The following EHMT1 variants were observed in gnomAD, a reference collection of about 807,000 sequenced individuals.
EHMT1 encodes euchromatic histone lysine methyltransferase 1, also known as histone-lysine N-methyltransferase EHMT1.
In EHMT1, 15 loss-of-function variants were observed where a neutral mutation model predicts 147.2. That is an observed-to-expected ratio of 0.10 (90% CI 0.07 to 0.16). The LOEUF (loss-of-function observed/expected upper bound fraction) is 0.16. Ranked by LOEUF, EHMT1 falls within the 10% of genes least tolerant of loss-of-function variation. The pLI is 1.00. For synonymous variants in EHMT1, 795 were observed against 709.6 expected (o/e 1.12, Z -1.91); for missense variants, 1,587 against 1,772.4 (o/e 0.90, Z 1.88).
intron 6 of EHMT1, among the ~76,000 whole-genome samples, chr9:137,749,181 C>G (rs1948783041): frequency 6.6e-6 from 1 of 152,126 alleles, no homozygotes; most frequent in African/African-American, 2.4e-5. Context: ...ATGTGGGAAG[C>G]TCCTGGCCTG....
At chr9:137,796,234 C>T (rs113233878) in intron 16 of EHMT1, among the ~76,000 whole-genome samples, 3 of 152,062 alleles carry the variant, frequency 2.0e-5, no homozygotes, top group Non-Finnish European at 2.9e-5. Flanking sequence ...GATTCCAGCA[C>T]GGGGAAGCGT....
In EHMT1 at chr9:137,782,903, G is replaced by A. The variant is rs75989317; in HGVS notation, c.2382+506G>A. Among the ~76,000 whole-genome samples, 530 of 152,160 alleles carry A rather than the reference G, an allele frequency of 3.5e-3. 5 individuals are homozygous for A. The highest frequency in any genetic ancestry group is 0.012 in the African/African-American group (517 of 41,498). ...ATTCTGAACCATCTGAACGCTGCCCGCTTGTCTCTGGGTTCAGACACACGA... is the reference window on the plus strand; with the variant it reads ...ATTCTGAACCATCTGAACGCTGCCCACTTGTCTCTGGGTTCAGACACACGA... On this transcript the variant is annotated intron_variant, in intron 15 of 26. Transcript: ENST00000460843. The surrounding 1 kb of genome is among the most constrained non-coding windows in gnomAD (Gnocchi z 5.7).
chr9:137,681,651 G>A (rs894137526), intron 1 of EHMT1, among the ~76,000 whole-genome samples: 8 of 152,004 alleles, frequency 5.3e-5, no homozygotes, highest in South Asian at 2.1e-4. Context: ...AGCCTCCCAC[G>A]CCCGTCCACT....
At chr9:137,744,437 G>A (rs1451888128) in intron 6 of EHMT1, among the ~76,000 whole-genome samples, 2 of 151,828 alleles carry the variant, frequency 1.3e-5, no homozygotes, top group African/African-American at 4.8e-5. Context: ...TCCCATCCCA[G>A]CCCCCCGAGC....
chr9:137,649,141 C>G lies in EHMT1; in HGVS notation c.21+30092C>G, dbSNP rs754834745. Among the ~76,000 whole-genome samples, 50 of 152,106 alleles carry G rather than the reference C, an allele frequency of 3.3e-4. 1 individual carries two copies. Among genetic ancestry groups the G allele is most frequent in the Non-Finnish European group, 7.3e-5 (5 of 68,030 alleles). On this transcript the variant is annotated intron_variant, in intron 1 of 26. Coordinates refer to ENST00000460843, the MANE Select transcript of EHMT1 (RefSeq NM_024757.5). ...CTCCCAAATTCAGATCCACCCGTGACTTCAGAAATAGTGTTCTCCCGGCTG... is the reference window on the plus strand; with the variant it reads ...CTCCCAAATTCAGATCCACCCGTGAGTTCAGAAATAGTGTTCTCCCGGCTG...
intron 1 of EHMT1, among the ~76,000 whole-genome samples, chr9:137,694,889 G>A (rs1225027270): frequency 6.6e-6 from 1 of 152,226 alleles, no homozygotes; most frequent in African/African-American, 2.4e-5. Context: ...GGTCTTGAAG[G>A]AGATGGTAGA....
At chr9:137,724,621 A>G (rs534899809) in intron 3 of EHMT1, among the ~76,000 whole-genome samples, 1 of 152,342 alleles carries the variant, frequency 6.6e-6, no homozygotes, top group South Asian at 2.1e-4. Context: ...TACCTTCATC[A>G]ATATGTACTT....
intron 1 of EHMT1, among the ~76,000 whole-genome samples, chr9:137,660,197 T>C (rs542161179): frequency 4.7e-4 from 71 of 151,898 alleles, no homozygotes; most frequent in African/African-American, 1.7e-3. Context: ...TAGCTGGGCA[T>C]AGTGGCACGT....
At chr9:137,691,249 C>G (rs1564593548) in intron 1 of EHMT1, among the ~76,000 whole-genome samples, 1 of 151,406 alleles carries the variant, frequency 6.6e-6, no homozygotes, top group East Asian at 1.9e-4. Context: ...TAAGGTTCAT[C>G]TGTGTTATAG....
At position 137,752,196 on chromosome 9, in the gene EHMT1, G is replaced by GC; in HGVS notation, c.1171-131dup. The GC allele has an allele frequency of 2.8e-6, 3 of 1,088,894 alleles. No homozygotes were observed. The South Asian group carries it at 4.1e-5, about 15-fold the overall frequency. 67.5% of individuals were successfully genotyped at this position (1,088,894 alleles called of 1,614,324 possible). ...GCTGGAGCAGGCCGGCGGCGCCCCCGCCCCGCGAGCGTCTCCGGCGTGTGC... is the reference window on the plus strand; with the variant it reads ...GCTGGAGCAGGCCGGCGGCGCCCCCGCCCCCGCGAGCGTCTCCGGCGTGTGC... On this transcript the variant is annotated intron_variant, in intron 6 of 26. Coordinates refer to ENST00000460843, the MANE Select transcript of EHMT1 (RefSeq NM_024757.5).
intron 18 of EHMT1, among the ~76,000 whole-genome samples, chr9:137,805,602 C>CAT (rs1332311440): frequency 1.4e-4 from 22 of 152,114 alleles, no homozygotes; most frequent in African/African-American, 4.8e-4. Context: ...CTATATTTTA[C>CAT]ACATATATAT....
intron 1 of EHMT1, among the ~76,000 whole-genome samples, chr9:137,635,624 T>C (rs1025295068): frequency 2.6e-5 from 4 of 151,114 alleles, no homozygotes; most frequent in African/African-American, 9.7e-5. Flanking sequence ...ATCGAGACCA[T>C]CCTGGCTAAC....
chr9:137,773,686 G>C (rs867617001), intron 10 of EHMT1, among the ~76,000 whole-genome samples: 4 of 152,160 alleles, frequency 2.6e-5, no homozygotes, highest in South Asian at 2.1e-4. Flanking sequence ...TGTGAAGTTT[G>C]GACAGAACTC....
chr9:137,775,963 G>A lies in EHMT1; in HGVS notation c.1792-655G>A, dbSNP rs1056288974. Among the ~76,000 whole-genome samples the A allele has an allele frequency of 6.6e-6, 1 of 152,158 alleles. No homozygotes were observed. The highest frequency in any genetic ancestry group is 2.4e-5 in the African/African-American group (1 of 41,422). On this transcript the variant is annotated intron_variant, in intron 11 of 26. Coordinates refer to ENST00000460843, the MANE Select transcript of EHMT1 (RefSeq NM_024757.5). This position sits in a 1 kb window ranked among gnomAD's most constrained non-coding sequence, Gnocchi z 6.1. Reference sequence around the variant, plus strand: ...AGCGTCTGTCTGTGTGCGCCTGTGTGTGTGAGTGTTTGAGTGTGAGCTTCA... The same window carrying A: ...AGCGTCTGTCTGTGTGCGCCTGTGTATGTGAGTGTTTGAGTGTGAGCTTCA...
chr9:137,710,200 A>G (rs1944577453), intron 1 of EHMT1, among the ~76,000 whole-genome samples: 1 of 151,508 alleles, frequency 6.6e-6, no homozygotes, highest in Non-Finnish European at 1.5e-5. Flanking sequence ...ACCCAAGTGC[A>G]GTGGCTCACA....
chr9:137,668,545 G>A (rs1023688874), intron 1 of EHMT1, among the ~76,000 whole-genome samples: 1 of 152,180 alleles, frequency 6.6e-6, no homozygotes, highest in African/African-American at 2.4e-5. Flanking sequence ...TTTGTGGACA[G>A]AGCACCAGAA....
intron 8 of EHMT1, among the ~76,000 whole-genome samples, chr9:137,756,587 G>A (rs780901320): frequency 1.8e-4 from 28 of 152,312 alleles, no homozygotes; most frequent in Admixed American, 1.1e-3. Flanking sequence ...TGCATGTGGT[G>A]CTTCAGTTAC....
Position 137,643,691 on chromosome 9 carries a change from C to T in EHMT1, c.21+24642C>T, listed in dbSNP as rs189686913. The stretch of plus-strand genomic sequence containing the variant: ...ACTCTGAGGGTATTGTCTGGCTGCA[C>T]TCCATGGTTTCTGATGAGGAACCAT... On this transcript the variant is annotated intron_variant, in intron 1 of 26. Transcript: ENST00000460843. Among the ~76,000 whole-genome samples, 21 of 152,262 alleles carry T rather than the reference C, an allele frequency of 1.4e-4. No individual in the cohort carries two copies. In the East Asian group the frequency reaches 3.7e-3, roughly 27 times the overall value.
intron 1 of EHMT1, among the ~76,000 whole-genome samples, chr9:137,662,332 G>T (rs902812282): frequency 6.6e-6 from 1 of 151,874 alleles, no homozygotes; most frequent in East Asian, 1.9e-4. Flanking sequence ...TGAGTAGCTG[G>T]GACTACAGGC....
Sources: allele counts gnomAD v4.1 joint callset (sites outside exome capture counted in the v4.1 genomes callset), GRCh38; gene constraint gnomAD v4.1.1; non-coding constraint Gnocchi (gnomAD v3.1); transcripts MANE v1.5; gene names NCBI Gene and HGNC (gene_info 2026-07-23, HGNC 2026-07-21).